The following RYK variants were observed in gnomAD, a reference collection of about 807,000 sequenced individuals.
The protein encoded by RYK is receptor like tyrosine kinase, also known as inactive tyrosine-protein kinase RYK.
In RYK, 21 loss-of-function variants were observed where a neutral mutation model predicts 70.2. That is an observed-to-expected ratio of 0.30 (90% CI 0.21 to 0.43). RYK has a LOEUF of 0.43. RYK is among the 20% of genes least tolerant of loss of function. The pLI is 1.00. For synonymous variants in RYK, 267 were observed against 278.0 expected (o/e 0.96, Z 0.39); for missense variants, 604 against 753.3 (o/e 0.80, Z 2.32).
In RYK at chr3:134,188,820, T is replaced by C. The variant is rs369056404; in HGVS notation, c.1102+17A>G. 1.3e-5 allele frequency: 19 copies of C among 1,459,048 alleles called. No homozygotes were observed. Among genetic ancestry groups the C allele is most frequent in the African/African-American group, 1.3e-4 (9 of 71,810 alleles). The allele number at this position is 1,459,048 out of a possible 1,614,324, so 90.4% of individuals were successfully genotyped here. On this transcript the variant is annotated intron_variant, in intron 9 of 14. Transcript: ENST00000623711. Reference sequence around the variant, plus strand: ...ACAGAAGAGCATCATGGAAATACTATGGAAAAAAGATCCTACCTTTAACTG... The same window carrying C: ...ACAGAAGAGCATCATGGAAATACTACGGAAAAAAGATCCTACCTTTAACTG...
intron 10 of RYK, among the ~76,000 whole-genome samples, chr3:134,182,307 T>A (rs923785698): frequency 1.3e-5 from 2 of 152,212 alleles, no homozygotes; most frequent in Non-Finnish European, 2.9e-5. Flanking sequence ...GCTACATGGA[T>A]TTACAGTTGC....
intron 13 of RYK, among the ~76,000 whole-genome samples, chr3:134,165,616 T>G (rs2012637604): frequency 6.6e-6 from 1 of 152,216 alleles, no homozygotes; most frequent in African/African-American, 2.4e-5. Flanking sequence ...GGTGGGGCTC[T>G]GGCAAACAGC....
intron 8 of RYK, among the ~76,000 whole-genome samples, 153 bp from the exon 9 acceptor site, chr3:134,189,076 G>GT (rs2013563392): frequency 3.3e-5 from 5 of 152,118 alleles, no homozygotes; most frequent in South Asian, 4.1e-4. Context: ...CAAATCTTTG[G>GT]TTTTAACGAC....
At chr3:134,233,991 T>G (rs766630345) in intron 1 of RYK, among the ~76,000 whole-genome samples, 2 of 152,084 alleles carry the variant, frequency 1.3e-5, no homozygotes, top group Admixed American at 6.5e-5. Flanking sequence ...TGTGTTCCAC[T>G]TTAAAAAAAG....
intron 13 of RYK, 26 bp downstream of exon 13, chr3:134,175,583 T>A: frequency 6.3e-7 from 1 of 1,599,784 alleles, no homozygotes; most frequent in Non-Finnish European, 8.5e-7. Context: ...TCTATTCTTT[T>A]GCTATCTGGG....
chr3:134,165,637 C>A (rs74510968), intron 13 of RYK, among the ~76,000 whole-genome samples: 1 of 152,154 alleles, frequency 6.6e-6, no homozygotes, highest in Non-Finnish European at 1.5e-5. Context: ...CACTGAGGTA[C>A]GTTCCACCTA....
rs1456887246 is a variant in RYK, at chr3:134,182,280, T to C, written c.1172+722A>G. ...GGTACATCCATTCAGTGGACTACTA[T>C]GTAGCCTTTTTAAATGGCTACATGG... On this transcript the variant is annotated intron_variant, in intron 10 of 14. Transcript: ENST00000623711. 5.3e-5 allele frequency among the ~76,000 whole-genome samples: 8 copies of C among 152,350 alleles called. No homozygotes were observed. In the South Asian group the frequency reaches 1.7e-3, roughly 32 times the overall value.
intron 1 of RYK, among the ~76,000 whole-genome samples, chr3:134,226,540 A>G (rs1453908788): frequency 6.6e-6 from 1 of 152,146 alleles, no homozygotes; most frequent in Non-Finnish European, 1.5e-5. Context: ...CTAAAACATA[A>G]TGAGAAAAGA....
At chr3:134,247,588 A>G (rs373263949) in intron 1 of RYK, among the ~76,000 whole-genome samples, 14 of 151,950 alleles carry the variant, frequency 9.2e-5, no homozygotes, top group African/African-American at 3.1e-4. Context: ...TGTAATCCCA[A>G]CTACTGGGGA....
intron 1 of RYK, among the ~76,000 whole-genome samples, chr3:134,226,076 T>C (rs1444866319): frequency 6.6e-6 from 1 of 152,004 alleles, no homozygotes; most frequent in African/African-American, 2.4e-5. Context: ...ATAAAGATAT[T>C]AACTATAAGG....
intron 12 of RYK, 71 bp downstream of exon 12, chr3:134,175,859 T>C (rs1169077700): frequency 1.2e-5 from 19 of 1,551,446 alleles, no homozygotes; most frequent in African/African-American, 2.7e-5. Flanking sequence ...AGTCCCACTG[T>C]GACTCGCAGA....
chr3:134,207,340 C>T (rs1173727049), intron 5 of RYK, 132 bp downstream of exon 5: 2 of 491,822 alleles, frequency 4.1e-6, no homozygotes, highest in Non-Finnish European at 7.2e-6. Flanking sequence ...CTACAAAGCA[C>T]CAGCAAAATA....
intron 4 of RYK, among the ~76,000 whole-genome samples, chr3:134,208,582 G>A (rs1043830421): frequency 1.3e-5 from 2 of 152,148 alleles, no homozygotes; most frequent in Non-Finnish European, 2.9e-5. Context: ...TTCAAATGTA[G>A]TGCAGCTTTT....
intron 2 of RYK, among the ~76,000 whole-genome samples, chr3:134,221,196 CTTTTTTTTTTTTTTTTTTTT>C (rs71139519): frequency 1.3e-5 from 1 of 78,562 alleles, no homozygotes. Context: ...AGTTCTTTTT[CTTTTTTTTTTTTTTTTTTTT>C]TTTTTTGAGA....
chr3:134,200,487 C>T (rs546631101), intron 6 of RYK, among the ~76,000 whole-genome samples: 161 of 152,224 alleles, frequency 1.1e-3, no homozygotes, highest in African/African-American at 2.5e-3. Flanking sequence ...TAACACTCAC[C>T]GCGAGAGTCC....
At position 134,158,112 on chromosome 3, in the gene RYK, G is replaced by T; in HGVS notation, c.*41C>A. On this transcript the variant is annotated 3_prime_UTR_variant, in exon 15 of 15. Transcript: ENST00000623711. ...CCCTGACAGGCTTCAAGTGAGCCCC[G>T]ACAGGCACCTTCTTCCTGATGGTGT... is the stretch of plus-strand genomic sequence containing the variant. 1 of 1,203,524 alleles carries T rather than the reference G, an allele frequency of 8.3e-7. No homozygotes were observed. Among genetic ancestry groups the T allele is most frequent in the South Asian group, 2.3e-5 (1 of 43,882 alleles). The allele number at this position is 1,203,524 out of a possible 1,614,324, so 74.6% of individuals were successfully genotyped here.
At chr3:134,240,591 T>G (rs914277741) in intron 1 of RYK, among the ~76,000 whole-genome samples, 3 of 152,160 alleles carry the variant, frequency 2.0e-5, no homozygotes, top group Non-Finnish European at 4.4e-5. Context: ...TCTTAATATA[T>G]GCAAATTTTC....
chr3:134,204,065 A>ACACT (rs1361532565), intron 5 of RYK, among the ~76,000 whole-genome samples: 2 of 152,244 alleles, frequency 1.3e-5, no homozygotes, highest in African/African-American at 4.8e-5. Flanking sequence ...CTCACAGAAG[A>ACACT]CTGAGTGACA....
intron 13 of RYK, among the ~76,000 whole-genome samples, chr3:134,163,233 T>G (rs567029674): frequency 6.6e-6 from 1 of 152,356 alleles, no homozygotes; most frequent in Non-Finnish European, 1.5e-5. Context: ...AATTACATGT[T>G]GGCAAACCAA....
Sources: allele counts gnomAD v4.1 joint callset (sites outside exome capture counted in the v4.1 genomes callset), GRCh38; gene constraint gnomAD v4.1.1; transcripts MANE v1.5; gene names NCBI Gene and HGNC (gene_info 2026-07-23, HGNC 2026-07-21).